PTPN1: variants seen among roughly 807,000 people sequenced by gnomAD.
PTPN1 encodes the protein tyrosine-protein phosphatase non-receptor type 1.
Under a neutral mutation model 59.9 loss-of-function variants are expected in PTPN1, and 12 were observed. The ratio of observed to expected loss-of-function variants is 0.20; its 90% CI spans 0.13 to 0.32. The LOEUF (loss-of-function observed/expected upper bound fraction) is 0.32, where lower values mean the gene tolerates loss of function less well. Ranked by LOEUF, PTPN1 falls within the 10% of genes least tolerant of loss-of-function variation. The probability of loss-of-function intolerance (pLI) is 1.00; values close to 1 mark genes in which losing one functional copy is unlikely to be tolerated. For missense variants in PTPN1, 356 were observed against 549.2 expected, an observed-to-expected ratio of 0.65 and a Z score of 3.52; for synonymous variants, 178 against 203.6, an observed-to-expected ratio of 0.87 and a Z score of 1.07.
At chr20:50,531,376 TTTTG>T (rs1312989751) in intron 1 of PTPN1, among the ~76,000 whole-genome samples, 4 of 152,066 alleles carry the variant, frequency 2.6e-5, no homozygotes, top group African/African-American at 4.8e-5. Context: ...GGGAGTCTTT[TTTTG>T]TTTGTTTGTT....
rs1440962739 is a variant in PTPN1 at position 50,572,701 on chromosome 20, C to G, written c.355-1816C>G. The G allele has an allele frequency of 4.6e-5, 7 of 152,164 alleles. No individual in the cohort carries two copies. The South Asian group carries it at 1.2e-3, about 27-fold the overall frequency. 9.4% of individuals were successfully genotyped at this position (152,164 alleles called of 1,614,324 possible). A position where few individuals can be genotyped will look rare whatever the true frequency, so the allele number is the denominator to read the frequency against. On this transcript the variant is annotated intron_variant, in intron 4 of 9. Transcript: ENST00000371621. ...ACGGGTGGGGTGGAACCTGTCAGAT[C>G]AGTCTCTTGTTTCTGGGGTCTTGAG...
In PTPN1 at chr20:50,584,951, G is replaced by C. The variant is rs1054110160; in HGVS notation, c.*2236G>C. 2 of 152,192 alleles carry C rather than the reference G, an allele frequency of 1.3e-5. No individual in the cohort carries two copies. The highest frequency in any genetic ancestry group is 4.8e-5 in the African/African-American group (2 of 41,436). The allele number at this position is 152,192 out of a possible 1,614,324, so 9.4% of individuals were successfully genotyped here. A position where few individuals can be genotyped will look rare whatever the true frequency, so the allele number is the denominator to read the frequency against. ...ACCCTCAGGCTGGAGCGCTTTCCTT[G>C]ACTGTGAGCTTGTTGAACACCTTAG... On this transcript the variant is annotated 3_prime_UTR_variant, in exon 10 of 10. Transcript: ENST00000371621.
At chr20:50,516,479 G>A (rs2082529468) in intron 1 of PTPN1, among the ~76,000 whole-genome samples, 3 of 152,114 alleles carry the variant, frequency 2.0e-5, no homozygotes, top group South Asian at 2.1e-4. Context: ...AATCCTTAAT[G>A]TACTCACAAA....
chr20:50,517,982 C>G (rs1168061581), intron 1 of PTPN1, among the ~76,000 whole-genome samples: 2 of 152,138 alleles, frequency 1.3e-5, no homozygotes, highest in Non-Finnish European at 2.9e-5. Flanking sequence ...ACATCACTTG[C>G]AAAGATAAGA....
chr20:50,568,607 A>C lies in PTPN1; in HGVS notation c.354+129A>C. 1.3e-6 allele frequency: 1 copy of C among 746,104 alleles called. No homozygotes were observed. Among genetic ancestry groups the C allele is most frequent in the South Asian group, 1.8e-5 (1 of 55,330 alleles). 46.2% of individuals were successfully genotyped at this position (746,104 alleles called of 1,614,324 possible). On this transcript the variant is annotated intron_variant, in intron 4 of 9. Coordinates refer to ENST00000371621, the MANE Select transcript of PTPN1 (RefSeq NM_002827.4). This position sits in a 1 kb window ranked among gnomAD's most constrained non-coding sequence, Gnocchi z 5.6. Reference sequence around the variant, plus strand: ...CCTTTACGTAGTATTTTTATTTAAAAAAATTAAAACAGCAGCATATAAATG... The same window carrying C: ...CCTTTACGTAGTATTTTTATTTAAACAAATTAAAACAGCAGCATATAAATG...
intron 1 of PTPN1, among the ~76,000 whole-genome samples, chr20:50,511,379 T>C (rs1331275889): frequency 6.6e-6 from 1 of 152,096 alleles, no homozygotes; most frequent in African/African-American, 2.4e-5. Context: ...ACATTTGCTT[T>C]GTGAGCTGAA....
In PTPN1 at chr20:50,578,501, T is replaced by C. The variant is rs1286700694; in HGVS notation, c.574T>C (p.Leu192=). 1.2e-6 allele frequency: 2 copies of C among 1,614,124 alleles called. No individual in the cohort carries two copies. The highest frequency in any genetic ancestry group is 1.7e-6 in the Non-Finnish European group (2 of 1,180,044). ...FGVPESPASF[L]NFLFKVRESG... ...AGTCCCTGAATCACCAGCCTCATTCTTGAACTTTCTTTTCAAAGTCCGAGA... is the reference window on the plus strand; with the variant it reads ...AGTCCCTGAATCACCAGCCTCATTCCTGAACTTTCTTTTCAAAGTCCGAGA... The change falls in exon 6 of 10, where the codon TTG becomes CTG. Residue 192 remains leucine, a synonymous_variant. Transcript: ENST00000371621.
intron 4 of PTPN1, among the ~76,000 whole-genome samples, chr20:50,569,322 C>G (rs2082794849): frequency 6.6e-6 from 1 of 152,210 alleles, no homozygotes; most frequent in Non-Finnish European, 1.5e-5. Flanking sequence ...ACAAAGTTTT[C>G]TGTTTTTAGT....
chr20:50,544,067 A>AAG (rs2082664286), intron 1 of PTPN1, among the ~76,000 whole-genome samples: 1 of 152,076 alleles, frequency 6.6e-6, no homozygotes, highest in Admixed American at 6.6e-5. Flanking sequence ...GCTGATCTCA[A>AAG]ACTCCTGACC....
In PTPN1 at chr20:50,510,386, A is replaced by C; in HGVS notation, c.-142A>C. The C allele has an allele frequency of 7.0e-6, 6 of 855,484 alleles. No individual in the cohort carries two copies. In the South Asian group the frequency reaches 9.8e-5, roughly 14 times the overall value. 53.0% of individuals were successfully genotyped at this position (855,484 alleles called of 1,614,324 possible). A position where few individuals can be genotyped will look rare whatever the true frequency, so the allele number is the denominator to read the frequency against. The stretch of plus-strand genomic sequence containing the variant: ...GTAGTTCCGGCTGCCGGTTGACATG[A>C]AGAAGCAGCAGCGGCTAGGGCGGCG... On this transcript the variant is annotated 5_prime_UTR_variant, in exon 1 of 10. Coordinates refer to ENST00000371621, the MANE Select transcript of PTPN1 (RefSeq NM_002827.4).
chr20:50,576,685 G>C (rs1003893541), intron 5 of PTPN1, among the ~76,000 whole-genome samples: 46 of 151,794 alleles, frequency 3.0e-4, no homozygotes, highest in African/African-American at 9.4e-4. Context: ...TGGCCAAGAT[G>C]GTGAAACCCC....
At chr20:50,529,606 T>C (rs886938251) in intron 1 of PTPN1, among the ~76,000 whole-genome samples, 40 of 152,222 alleles carry the variant, frequency 2.6e-4, no homozygotes, top group Non-Finnish European at 1.5e-5. Flanking sequence ...TGTTTTTAAC[T>C]TTTTTCTTAA....
chr20:50,517,451 A>T (rs1300160156), intron 1 of PTPN1, among the ~76,000 whole-genome samples: 2 of 151,776 alleles, frequency 1.3e-5, no homozygotes, highest in Non-Finnish European at 1.5e-5. Flanking sequence ...TAGAGATGGG[A>T]TTTTGCTGTG....
intron 1 of PTPN1, among the ~76,000 whole-genome samples, chr20:50,534,724 C>G (rs995602930): frequency 2.0e-5 from 3 of 151,580 alleles, no homozygotes; most frequent in African/African-American, 4.9e-5. Flanking sequence ...CAACTTAATC[C>G]TTATCCTTTT....
At position 50,561,451 on chromosome 20, in the gene PTPN1, C is replaced by T; in HGVS notation, c.152C>T (p.Pro51Leu). ...KNRNRYRDVS[P>L]FDHSRIKLHQ... is the part of the protein sequence containing the mutation. ...CGAAATAGGTACAGAGACGTCAGTC[C>T]CTGTAAGTATCCACGTGGCCGGTAC... Residue 51 changes from proline to leucine, a missense_variant and splice_region_variant, in exon 2 of 10, where the codon CCC (proline) becomes CTC (leucine). Coordinates refer to ENST00000371621, the MANE Select transcript of PTPN1 (RefSeq NM_002827.4). The T allele has an allele frequency of 6.3e-7, 1 of 1,599,740 alleles. No individual in the cohort carries two copies. The highest frequency in any genetic ancestry group is 8.6e-7 in the Non-Finnish European group (1 of 1,168,396).
chr20:50,516,274 CAGACCACCCTT>C (rs2082528659), intron 1 of PTPN1, among the ~76,000 whole-genome samples: 1 of 151,064 alleles, frequency 6.6e-6, no homozygotes, highest in Non-Finnish European at 1.5e-5. Flanking sequence ...GGCCTTTGAT[CAGACCACCCTT>C]AGGGGCAAGA....
chr20:50,527,194 G>T (rs370560165), intron 1 of PTPN1, among the ~76,000 whole-genome samples: 1 of 152,186 alleles, frequency 6.6e-6, no homozygotes, highest in African/African-American at 2.4e-5. Flanking sequence ...TCCTCCAGCC[G>T]AGACGGCCCC....
At chr20:50,535,043 G>A (rs1219244898) in intron 1 of PTPN1, among the ~76,000 whole-genome samples, 1 of 151,908 alleles carries the variant, frequency 6.6e-6, no homozygotes, top group East Asian at 2.0e-4. Flanking sequence ...TTTATTCTTG[G>A]GATGTATGTC....
At chr20:50,572,919 A>C (rs1453318694) in intron 4 of PTPN1, 1 of 152,110 alleles carries the variant, frequency 6.6e-6, no homozygotes, top group Non-Finnish European at 1.5e-5. Flanking sequence ...ACTTTTGGCA[A>C]CTCATCATTG....
Sources: gnomAD v4.1 joint callset for allele counts (sites outside exome capture counted in the v4.1 genomes callset) on GRCh38, gnomAD v4.1.1 for gene constraint, Gnocchi (gnomAD v3.1) non-coding constraint, MANE v1.5 for transcripts, NCBI Gene and HGNC (gene_info 2026-07-23, HGNC 2026-07-21) for gene names.